Variants in DRAM2 observed in about 807,000 individuals in gnomAD.
DRAM2 encodes the protein DNA damage regulated autophagy modulator 2.
A neutral mutation model predicts 33.5 loss-of-function variants in DRAM2; 26 were observed. That is an observed-to-expected ratio of 0.78 (90% confidence interval 0.57 to 1.08). The LOEUF (loss-of-function observed/expected upper bound fraction) is 1.08. DRAM2 is among the 50% of genes least tolerant of loss of function. The probability of loss-of-function intolerance (pLI) is 0.00; values close to 1 mark genes in which losing one functional copy is unlikely to be tolerated. For synonymous variants in DRAM2, 98 were observed against 109.5 expected, an observed-to-expected ratio of 0.89 and a Z score of 0.66; for missense variants, 311 against 318.1, an observed-to-expected ratio of 0.98 and a Z score of 0.17.
chr1:111,137,395 T>A (rs1653453477), intron 3 of DRAM2, 128 bp downstream of exon 3: 1 of 152,192 alleles, frequency 6.6e-6, no homozygotes, highest in Non-Finnish European at 1.5e-5. Flanking sequence ...TAGCTTTTAG[T>A]ATTATCTGTT....
chr1:111,137,735 G>A (rs1193620117), intron 2 of DRAM2, 149 bp from the exon 3 acceptor site: 1 of 152,104 alleles, frequency 6.6e-6, no homozygotes, highest in African/African-American at 2.4e-5. Context: ...TTGATGAGTT[G>A]ACACTTGAGT....
At chr1:111,138,562 G>T (rs1310362306) in intron 2 of DRAM2, among the ~76,000 whole-genome samples, 1 of 152,192 alleles carries the variant, frequency 6.6e-6, no homozygotes, top group Admixed American at 6.5e-5. Flanking sequence ...CAGGCGGGCG[G>T]ATCACGAGGT....
At chr1:111,122,654 A>C (rs549839488) in intron 6 of DRAM2, 47 of 151,864 alleles carry the variant, frequency 3.1e-4, no homozygotes, top group African/African-American at 1.1e-3. Flanking sequence ...CTGGAAAGGA[A>C]GGAGATCCTC....
At chr1:111,131,204 G>A (rs927413233) in intron 4 of DRAM2, among the ~76,000 whole-genome samples, 1 of 152,140 alleles carries the variant, frequency 6.6e-6, no homozygotes, top group African/African-American at 2.4e-5. Flanking sequence ...AAGAGTCACA[G>A]TTCAAGAACC....
rs1654110420 is a variant in DRAM2 at position 111,139,621 on chromosome 1, G to A, written c.-199C>T. 2 of 152,252 alleles carry A rather than the reference G, an allele frequency of 1.3e-5. No individual in the cohort carries two copies. Among genetic ancestry groups the A allele is most frequent in the African/African-American group, 4.8e-5 (2 of 41,450 alleles). The allele number at this position is 152,252 out of a possible 1,614,324, so 9.4% of individuals were successfully genotyped here. Reference sequence around the variant, plus strand: ...TTAATTAGACCGCTGATTTTCTCCGGAAGCGCGAAGCACTAGGCCGTTTGA... The same window carrying A: ...TTAATTAGACCGCTGATTTTCTCCGAAAGCGCGAAGCACTAGGCCGTTTGA... On this transcript the variant is annotated 5_prime_UTR_variant, in exon 2 of 10. Coordinates refer to ENST00000484310, the MANE Select transcript of DRAM2 (RefSeq NM_001349884.2).
chr1:111,133,316 T>C (rs1285461297), intron 3 of DRAM2, among the ~76,000 whole-genome samples: 12 of 152,108 alleles, frequency 7.9e-5, no homozygotes, highest in Admixed American at 3.9e-4. Context: ...TAGCTGGGAT[T>C]ACAGGCATCT....
intron 3 of DRAM2, among the ~76,000 whole-genome samples, chr1:111,135,347 T>G (rs912700062): frequency 2.0e-5 from 3 of 152,200 alleles, no homozygotes; most frequent in African/African-American, 7.2e-5. Context: ...GAGAGCAGCC[T>G]GTCACCTGTC....
At chr1:111,119,995 C>T (rs751469989) in intron 7 of DRAM2, 36 bp from the exon 8 acceptor site, 38 of 1,551,582 alleles carry the variant, frequency 2.4e-5, no homozygotes, top group African/African-American at 4.1e-5. Context: ...ATCTCAGAGA[C>T]GATCTCAGAG....
At chr1:111,136,026 G>C (rs1653074304) in intron 3 of DRAM2, among the ~76,000 whole-genome samples, 1 of 152,140 alleles carries the variant, frequency 6.6e-6, no homozygotes, top group South Asian at 2.1e-4. Flanking sequence ...CTGTCACCAA[G>C]TGATGGCAAT....
intron 6 of DRAM2, among the ~76,000 whole-genome samples, chr1:111,124,321 C>T (rs937445347): frequency 2.6e-5 from 4 of 152,164 alleles, no homozygotes; most frequent in African/African-American, 9.7e-5. Flanking sequence ...CCTAGGAATG[C>T]AGGCAATCAA....
chr1:111,138,676 CA>C (rs1195752405), intron 2 of DRAM2, among the ~76,000 whole-genome samples: 1 of 152,108 alleles, frequency 6.6e-6, no homozygotes, highest in Non-Finnish European at 1.5e-5. Context: ...CCCAGCTACT[CA>C]GGAGACTGAG....
At chr1:111,118,671 T>C (rs1388698703) in intron 9 of DRAM2, 134 bp downstream of exon 9, 1 of 612,764 alleles carries the variant, frequency 1.6e-6, no homozygotes, top group Non-Finnish European at 2.8e-6. Context: ...ACATCACTTG[T>C]TTATGATACC....
intron 3 of DRAM2, among the ~76,000 whole-genome samples, chr1:111,136,646 C>T (rs1249160177): frequency 6.6e-6 from 1 of 151,964 alleles, no homozygotes. Flanking sequence ...ACAGATTGTA[C>T]CATCTGCTAT....
chr1:111,133,358 A>G (rs1571063211), intron 3 of DRAM2, among the ~76,000 whole-genome samples: 1 of 152,006 alleles, frequency 6.6e-6, no homozygotes, highest in African/African-American at 2.4e-5. Flanking sequence ...TTGTATTTTT[A>G]GTAGAGATGG....
Position 111,119,655 on chromosome 1 carries a change from G to A in DRAM2, c.600+222C>T, listed in dbSNP as rs1638952833. ...TTTCTCAGAAAACTCTTCTGCCATC[G>A]CAATGCTCTTCATATTTTGACAATA... On this transcript the variant is annotated intron_variant, in intron 8 of 9. Transcript: ENST00000484310. 2.4e-5 allele frequency: 12 copies of A among 490,190 alleles called. No homozygotes were observed. In the South Asian group the frequency reaches 3.1e-4, roughly 12 times the overall value. 30.4% of individuals were successfully genotyped at this position (490,190 alleles called of 1,614,324 possible). A position where few individuals can be genotyped will look rare whatever the true frequency, so the allele number is the denominator to read the frequency against.
At chr1:111,139,154 T>C (rs752614631) in intron 2 of DRAM2, 2 of 152,228 alleles carry the variant, frequency 1.3e-5, no homozygotes, top group Non-Finnish European at 2.9e-5. Flanking sequence ...AGTTTTTTTA[T>C]AAGCTGCATC....
At chr1:111,128,871 A>G (rs1282294) in intron 4 of DRAM2, among the ~76,000 whole-genome samples, 6,979 of 152,296 alleles carry the variant, frequency 0.046, 182 homozygotes, top group South Asian at 0.079. Context: ...GAGAAAAAAA[A>G]TACTGTGAAA....
chr1:111,124,718 C>A (rs1386093630), intron 6 of DRAM2, 24 bp downstream of exon 6: 1 of 1,611,872 alleles, frequency 6.2e-7, no homozygotes, highest in Non-Finnish European at 8.5e-7. Context: ...AAGGAAAATA[C>A]CTATGCTGGG....
Position 111,118,189 on chromosome 1 carries a change from G to A in DRAM2, c.772C>T (p.Arg258Ter), listed in dbSNP as rs975673475. Residue 258 changes from arginine to a stop codon, truncating the protein, a stop_gained, in exon 10 of 10, where the codon CGA becomes TGA. Transcript: ENST00000484310. LOFTEE classifies it high-confidence loss of function. Reference sequence around the variant, plus strand: ...ATATCTCTGGAAAGTAGCCGTGTTCGTTCATTGTTAATAGGGCAAGGTGCA... The same window carrying A: ...ATATCTCTGGAAAGTAGCCGTGTTCATTCATTGTTAATAGGGCAAGGTGCA... ...DTAPCPINNE[R>*]TRLLSRDI is the part of the protein sequence containing the mutation. 1.7e-5 allele frequency: 28 copies of A among 1,612,922 alleles called. No homozygotes were observed. The highest frequency in any genetic ancestry group is 1.1e-4 in the African/African-American group (8 of 74,968).
Sources: allele counts gnomAD v4.1 joint callset (sites outside exome capture counted in the v4.1 genomes callset), GRCh38; gene constraint gnomAD v4.1.1; transcripts MANE v1.5; gene names NCBI Gene and HGNC (gene_info 2026-07-23, HGNC 2026-07-21).